ABTB3: variants seen among roughly 807,000 people sequenced by gnomAD.
ABTB3 encodes the protein ankyrin repeat- and BTB/POZ domain-containing protein 3.
At chr12:107,350,035 A>G in the ABTB3 span, among the ~76,000 whole-genome samples, 1 of 152,364 alleles carries the variant, frequency 6.6e-6, no homozygotes, top group South Asian at 2.1e-4. Flanking sequence ...TAAGTAATAC[A>G]GATGGTTCAA....
chr12:107,500,004 A>G, the ABTB3 span, among the ~76,000 whole-genome samples: 3 of 152,232 alleles, frequency 2.0e-5, no homozygotes, highest in East Asian at 5.8e-4. Flanking sequence ...CTTTTAAACC[A>G]TCAGATTTCA....
the ABTB3 span, among the ~76,000 whole-genome samples, chr12:107,336,428 C>T: frequency 1.3e-5 from 2 of 151,716 alleles, no homozygotes; most frequent in Non-Finnish European, 2.9e-5. Context: ...CCAGCATCGT[C>T]CCTTATTAGC....
the ABTB3 span, among the ~76,000 whole-genome samples, chr12:107,368,181 A>T: frequency 1.3e-5 from 2 of 152,226 alleles, no homozygotes; most frequent in Non-Finnish European, 2.9e-5. Flanking sequence ...TCCCGTTAAT[A>T]AGAGTTTTGC....
the ABTB3 span, among the ~76,000 whole-genome samples, chr12:107,363,074 C>A: frequency 6.6e-6 from 1 of 152,178 alleles, no homozygotes; most frequent in Non-Finnish European, 1.5e-5. Context: ...AGGGTGATAA[C>A]CCTTAAACTT....
the ABTB3 span, among the ~76,000 whole-genome samples, chr12:107,499,928 T>C: frequency 5.3e-5 from 8 of 152,046 alleles, no homozygotes; most frequent in Non-Finnish European, 1.2e-4. Flanking sequence ...TCAAGTGATC[T>C]ACCTGCCTTG....
the ABTB3 span, among the ~76,000 whole-genome samples, chr12:107,346,242 T>G: frequency 6.6e-6 from 1 of 152,008 alleles, no homozygotes; most frequent in African/African-American, 2.4e-5. Flanking sequence ...GAGTTTGTGA[T>G]GTGGGGGAAG....
the ABTB3 span, among the ~76,000 whole-genome samples, chr12:107,512,563 C>T: frequency 6.6e-6 from 1 of 152,186 alleles, no homozygotes; most frequent in African/African-American, 2.4e-5. Context: ...TCCAGAAGGG[C>T]AGGGATCCAG....
chr12:107,427,913 AT>A, the ABTB3 span, among the ~76,000 whole-genome samples: 1 of 152,174 alleles, frequency 6.6e-6, no homozygotes, highest in African/African-American at 2.4e-5. Context: ...TCTGGGAGCC[AT>A]TTCAGGGCTT....
the ABTB3 span, among the ~76,000 whole-genome samples, chr12:107,491,696 G>A: frequency 6.6e-6 from 1 of 152,040 alleles, no homozygotes; most frequent in Admixed American, 6.5e-5. Flanking sequence ...GGTGGCATGC[G>A]CCTGTAGTCG....
chr12:107,426,691 G>A, the ABTB3 span, among the ~76,000 whole-genome samples: 3 of 152,054 alleles, frequency 2.0e-5, no homozygotes, highest in East Asian at 1.9e-4. Flanking sequence ...GGTGAAGGTC[G>A]GCACTGCCTT....
the ABTB3 span, among the ~76,000 whole-genome samples, chr12:107,627,482 C>A: frequency 2.6e-5 from 4 of 152,218 alleles, no homozygotes; most frequent in Admixed American, 2.6e-4. Flanking sequence ...GTGGGTCACC[C>A]TGCAGAGCCA....
chr12:107,643,342 G>A, the ABTB3 span, among the ~76,000 whole-genome samples: 7 of 144,788 alleles, frequency 4.8e-5, no homozygotes, highest in South Asian at 2.2e-4. Context: ...ATGTCAAGGC[G>A]CAGTGAGCCA....
chr12:107,608,942 T>TA, the ABTB3 span, among the ~76,000 whole-genome samples: 6,453 of 58,322 alleles, frequency 0.11, 363 homozygotes, highest in African/African-American at 0.15. Flanking sequence ...TAAAATAAAA[T>TA]AAATAAAATA....
chr12:107,599,636 G>A, the ABTB3 span, among the ~76,000 whole-genome samples: 1 of 152,168 alleles, frequency 6.6e-6, no homozygotes, highest in South Asian at 2.1e-4. Flanking sequence ...GTCGTTACCT[G>A]TGTAGCCAAA....
the ABTB3 span, among the ~76,000 whole-genome samples, chr12:107,553,422 G>C: frequency 6.6e-6 from 1 of 152,108 alleles, no homozygotes; most frequent in Non-Finnish European, 1.5e-5. Context: ...ATGCACATTG[G>C]GGCAACTCTA....
the ABTB3 span, chr12:107,319,532 C>T: frequency 6.4e-7 from 1 of 1,557,848 alleles, no homozygotes; most frequent in South Asian, 1.2e-5. Flanking sequence ...CGGCGGCGAC[C>T]GCCTGGGCCG....
chr12:107,550,192 G>A, the ABTB3 span, among the ~76,000 whole-genome samples: 2 of 152,026 alleles, frequency 1.3e-5, no homozygotes, highest in Non-Finnish European at 2.9e-5. Context: ...ACATAACCTG[G>A]GATTGCACCC....
At chr12:107,373,581 TATGCAGAGGCCTTAA>T in the ABTB3 span, among the ~76,000 whole-genome samples, 1 of 152,212 alleles carries the variant, frequency 6.6e-6, no homozygotes, top group Non-Finnish European at 1.5e-5. Context: ...GCTGTGATAT[TATGCAGAGGCCTTAA>T]CCTGACCCCT....
chr12:107,645,198 C>T, the ABTB3 span, among the ~76,000 whole-genome samples: 1 of 152,086 alleles, frequency 6.6e-6, no homozygotes, highest in Non-Finnish European at 1.5e-5. Context: ...AACTCCTGAC[C>T]TCAGGTGATC....
Sources: gnomAD v4.1 joint callset for allele counts (sites outside exome capture counted in the v4.1 genomes callset) on GRCh38, gnomAD v4.1.1 for gene constraint, MANE v1.5 for transcripts, NCBI Gene and HGNC (gene_info 2026-07-23, HGNC 2026-07-21) for gene names.